SLC34A1: variants seen among roughly 807,000 people sequenced by gnomAD.
The protein encoded by SLC34A1 is sodium-dependent phosphate transport protein 2A.
A neutral mutation model predicts 51.4 loss-of-function variants in SLC34A1; 57 were observed. The observed-to-expected ratio is 1.11, with a 90% CI of 0.90 to 1.38. The LOEUF (loss-of-function observed/expected upper bound fraction) is 1.38. Among genes scored for constraint, SLC34A1 ranks in the 40% most tolerant of loss-of-function variants. The pLI is 0.00. For missense variants in SLC34A1, 796 were observed against 835.6 expected, an observed-to-expected ratio of 0.95 and a Z score of 0.58; for synonymous variants, 368 against 358.0, an observed-to-expected ratio of 1.03 and a Z score of -0.32.
rs372692362 is a variant in SLC34A1 at position 177,386,821 on chromosome 5, G to T, written c.532+255G>T. Among the ~76,000 whole-genome samples the T allele has an allele frequency of 6.6e-6, 1 of 152,114 alleles. No homozygotes were observed. Among genetic ancestry groups the T allele is most frequent in the East Asian group, 1.9e-4 (1 of 5,196 alleles). On this transcript the variant is annotated intron_variant, in intron 5 of 12. Coordinates refer to ENST00000324417, the MANE Select transcript of SLC34A1 (RefSeq NM_003052.5). This position sits in a 1 kb window ranked among gnomAD's most constrained non-coding sequence, Gnocchi z 4.8. ...AGGCCAGGGCATTGGAAGGGCAGGC[G>T]GGAACTCTCAGGTGGGCGCCGACAC...
chr5:177,388,176 A>G lies in SLC34A1; in HGVS notation c.827A>G (p.Lys276Arg), dbSNP rs759333369. The G allele has an allele frequency of 6.2e-7, 1 of 1,614,100 alleles. No homozygotes were observed. Among genetic ancestry groups the G allele is most frequent in the Non-Finnish European group, 8.5e-7 (1 of 1,180,014 alleles). The change falls in exon 7 of 13, where the codon AAG becomes AGG. Residue 276 changes from lysine to arginine, a missense_variant. By Grantham distance (26) the Lys-to-Arg change is conservative. Transcript: ENST00000324417. This position sits in a 1 kb window ranked among gnomAD's most constrained non-coding sequence, Gnocchi z 4.3. ...LLKIITEPFT[K>R]LIIQLDESVI... is the part of the protein sequence containing the mutation. ...AAGATCATCACAGAGCCCTTCACGA[A>G]GCTCATCATCCAGGTGACAGCAGGG...
At chr5:177,387,683 T>TG (rs1175050339) in intron 5 of SLC34A1, 79 bp from the exon 6 acceptor site, 2 of 1,194,056 alleles carry the variant, frequency 1.7e-6, no homozygotes, top group African/African-American at 3.0e-5. Context: ...GGGACGTGGG[T>TG]GGGGGGCCTG....
chr5:177,389,272 G>T (rs1762712525), intron 8 of SLC34A1, among the ~76,000 whole-genome samples: 1 of 152,158 alleles, frequency 6.6e-6, no homozygotes, highest in African/African-American at 2.4e-5. Flanking sequence ...CCTGATGCTT[G>T]CATGTGAGAC....
Position 177,398,005 on chromosome 5 carries a change from C to T in SLC34A1, c.1639C>T (p.Pro547Ser). Residue 547 changes from proline (P) to serine (S), a missense_variant, in exon 13 of 13, where the codon CCC becomes TCC. Physicochemically the swap from Pro to Ser is moderately conservative, Grantham distance 74. Transcript: ENST00000324417. The surrounding 1 kb of genome is among the most constrained non-coding windows in gnomAD (Gnocchi z 4.7). Reference sequence around the variant, plus strand: ...GCAGGTCATGGTAGGTGTGGGCACGCCCTTCGGGGCCCTGCTGGCCTTCGT... The same window carrying T: ...GCAGGTCATGGTAGGTGTGGGCACGTCCTTCGGGGCCCTGCTGGCCTTCGT... ...GWQVMVGVGT[P>S]FGALLAFVVL... 6.2e-7 allele frequency: 1 copy of T among 1,613,984 alleles called. No individual in the cohort carries two copies.
At position 177,388,783 on chromosome 5, in the gene SLC34A1, C is replaced by T. The variant is rs1762693665; in HGVS notation, c.936+411C>T. Among the ~76,000 whole-genome samples the T allele has an allele frequency of 6.6e-6, 1 of 152,104 alleles. No individual in the cohort carries two copies. The highest frequency in any genetic ancestry group is 2.1e-4 in the South Asian group (1 of 4,830). Reference sequence around the variant, plus strand: ...GTGCTCAGTGCTCAAGTTTGAGAACCGCTGATCCAGCGCAACCCTTGGGTT... The same window carrying T: ...GTGCTCAGTGCTCAAGTTTGAGAACTGCTGATCCAGCGCAACCCTTGGGTT... On this transcript the variant is annotated intron_variant, in intron 8 of 12. Coordinates refer to ENST00000324417, the MANE Select transcript of SLC34A1 (RefSeq NM_003052.5). This position sits in a 1 kb window ranked among gnomAD's most constrained non-coding sequence, Gnocchi z 4.3.
chr5:177,390,168 A>G lies in SLC34A1; in HGVS notation c.936+1796A>G, dbSNP rs546355604. ...CCAACTTTCACCATGCTGGACCTGA[A>G]CCAGCCCGAAACAGTCTCCAGGGAA... On this transcript the variant is annotated intron_variant, in intron 8 of 12. Transcript: ENST00000324417. The G allele has an allele frequency of 5.9e-6, 6 of 1,009,142 alleles. No homozygotes were observed. The African/African-American group carries it at 8.6e-5, about 14-fold the overall frequency. The allele number at this position is 1,009,142 out of a possible 1,614,324, so 62.5% of individuals were successfully genotyped here. A position where few individuals can be genotyped will look rare whatever the true frequency, so the allele number is the denominator to read the frequency against.
At chr5:177,397,720 C>T in intron 12 of SLC34A1, 63 bp from the exon 13 acceptor site, 1 of 1,596,610 alleles carries the variant, frequency 6.3e-7, no homozygotes, top group Non-Finnish European at 8.5e-7. Context: ...TCTACCCCTG[C>T]TGGCCTGACA....
At position 177,386,624 on chromosome 5, in the gene SLC34A1, G is replaced by A; in HGVS notation, c.532+58G>A. On this transcript the variant is annotated intron_variant, in intron 5 of 12. Coordinates refer to ENST00000324417, the MANE Select transcript of SLC34A1 (RefSeq NM_003052.5). This position sits in a 1 kb window ranked among gnomAD's most constrained non-coding sequence, Gnocchi z 4.8. ...GGAGGGGCACCCCAGGAGCTGGGAA[G>A]GGTGGCAAATGGGGAGCGTGACCCC... The A allele has an allele frequency of 6.2e-7, 1 of 1,606,068 alleles. No homozygotes were observed. The highest frequency in any genetic ancestry group is 1.1e-5 in the South Asian group (1 of 90,970).
At chr5:177,389,983 A>C in intron 8 of SLC34A1, 2 of 1,377,066 alleles carry the variant, frequency 1.5e-6, no homozygotes, top group Non-Finnish European at 1.9e-6. Flanking sequence ...CCAAGCTCTC[A>C]CTTTCATCCC....
chr5:177,386,741 T>G lies in SLC34A1; in HGVS notation c.532+175T>G, dbSNP rs914134984. On this transcript the variant is annotated intron_variant, in intron 5 of 12. Transcript: ENST00000324417. This position sits in a 1 kb window ranked among gnomAD's most constrained non-coding sequence, Gnocchi z 4.8. Reference sequence around the variant, plus strand: ...AGCTGTATGTGACCCAGATGATTTATGGCAAGGAACTGGCTTCCCCGATGG... The same window carrying G: ...AGCTGTATGTGACCCAGATGATTTAGGGCAAGGAACTGGCTTCCCCGATGG... Among the ~76,000 whole-genome samples the G allele has an allele frequency of 2.6e-4, 40 of 152,072 alleles. No homozygotes were observed. The highest frequency in any genetic ancestry group is 8.5e-4 in the African/African-American group (35 of 41,398).
chr5:177,386,391 G>T lies in SLC34A1; in HGVS notation c.389-32G>T. The T allele has an allele frequency of 6.2e-7, 1 of 1,614,204 alleles. No individual in the cohort carries two copies. ...GGAGACCTGGGAGGGGTTCCTGAAG[G>T]GCCTTGGACAACGCTGGCTCATGCT... On this transcript the variant is annotated intron_variant, in intron 4 of 12. Coordinates refer to ENST00000324417, the MANE Select transcript of SLC34A1 (RefSeq NM_003052.5). The surrounding 1 kb of genome is among the most constrained non-coding windows in gnomAD (Gnocchi z 4.8).
chr5:177,398,634 G>C lies in SLC34A1; in HGVS notation c.*348G>C, dbSNP rs554430310. ...GTGTACACATGACTAGGATAGGCAG[G>C]AGTAAGGGTGGGTCTGGGTATATGA... On this transcript the variant is annotated 3_prime_UTR_variant, in exon 13 of 13. Transcript: ENST00000324417. This position sits in a 1 kb window ranked among gnomAD's most constrained non-coding sequence, Gnocchi z 4.7. 6.5e-5 allele frequency: 28 copies of C among 429,516 alleles called. No individual in the cohort carries two copies. The highest frequency in any genetic ancestry group is 4.6e-4 in the African/African-American group (23 of 49,828). The allele number at this position is 429,516 out of a possible 1,614,324, so 26.6% of individuals were successfully genotyped here.
Position 177,397,844 on chromosome 5 carries a change from G to C in SLC34A1, c.1478G>C (p.Cys493Ser). Residue 493 changes from cysteine to serine, a missense_variant, in exon 13 of 13, where the codon TGC (cysteine) becomes TCC (serine). Physicochemically the swap from Cys to Ser is moderately radical, Grantham distance 112. Coordinates refer to ENST00000324417, the MANE Select transcript of SLC34A1 (RefSeq NM_003052.5). ...ATCCTTCTGTGGTACCCGGTGCCCT[G>C]CACACGCCTGCCCATCCGCATGGCC... ...SGILLWYPVP[C>S]TRLPIRMAKA... 6.2e-7 allele frequency: 1 copy of C among 1,613,492 alleles called. No individual in the cohort carries two copies. Among genetic ancestry groups the C allele is most frequent in the Non-Finnish European group, 8.5e-7 (1 of 1,179,970 alleles).
At position 177,396,751 on chromosome 5, in the gene SLC34A1, C is replaced by T. The variant is rs757775673; in HGVS notation, c.1193C>T (p.Thr398Ile). The stretch of plus-strand genomic sequence containing the variant: ...CTTGCAGACTTCCCTGCCCCCTTCA[C>T]CTGGGTCACAGGCTACTTTGCCATG... ...VINTDFPAPF[T>I]WVTGYFAMVV... Residue 398 changes from threonine to isoleucine, a missense_variant, in exon 11 of 13, where the codon ACC becomes ATC. By Grantham distance (89) the Thr-to-Ile change is moderately conservative. Coordinates refer to ENST00000324417, the MANE Select transcript of SLC34A1 (RefSeq NM_003052.5). The surrounding 1 kb of genome is among the most constrained non-coding windows in gnomAD (Gnocchi z 4.0). 4.3e-6 allele frequency: 7 copies of T among 1,614,260 alleles called. No homozygotes were observed. The South Asian group carries it at 6.6e-5, about 15-fold the overall frequency.
Position 177,389,715 on chromosome 5 carries a change from A to G in SLC34A1, c.936+1343A>G, listed in dbSNP as rs577163868. ...GCCATGGAAGACAGCTCTGTTCCTCACTGCCCCTGAGCTCCCTGCCGGCCA... is the reference window on the plus strand; with the variant it reads ...GCCATGGAAGACAGCTCTGTTCCTCGCTGCCCCTGAGCTCCCTGCCGGCCA... On this transcript the variant is annotated intron_variant, in intron 8 of 12. Coordinates refer to ENST00000324417, the MANE Select transcript of SLC34A1 (RefSeq NM_003052.5). 2.2e-5 allele frequency: 34 copies of G among 1,537,200 alleles called. 1 individual carries two copies. In the South Asian group the frequency reaches 3.9e-4, roughly 18 times the overall value.
chr5:177,389,526 G>T, intron 8 of SLC34A1: 1 of 1,371,650 alleles, frequency 7.3e-7, no homozygotes, highest in South Asian at 1.3e-5. Flanking sequence ...AAACCCCTGC[G>T]GGCAGCTTTT....
rs577153397 is a variant in SLC34A1 at position 177,385,217 on chromosome 5, C to T, written c.-47-478C>T. ...TCTCCAGGTGGGCAAAACTGAAGCC[C>T]GGCCCAGCCCCAGCCCACACCTGCA... is the stretch of plus-strand genomic sequence containing the variant. On this transcript the variant is annotated intron_variant, in intron 1 of 12. Transcript: ENST00000324417. Among the ~76,000 whole-genome samples, 11 of 152,304 alleles carry T rather than the reference C, an allele frequency of 7.2e-5. No individual in the cohort carries two copies. The South Asian group carries it at 1.9e-3, about 26-fold the overall frequency.
chr5:177,393,963 G>T, intron 9 of SLC34A1, 65 bp from the exon 10 acceptor site: 2 of 1,604,874 alleles, frequency 1.2e-6, no homozygotes, highest in Non-Finnish European at 1.7e-6. Flanking sequence ...GCCCAACTGG[G>T]TGGCAAAGGT....
rs189267221 is a variant in SLC34A1 at position 177,393,046 on chromosome 5, T to C, written c.937-648T>C. ...GGAGCTGAGTAGCTACTGCTGACTC[T>C]ACAGGCCCAGCAGAAACTCTCCCCA... On this transcript the variant is annotated intron_variant, in intron 8 of 12. Coordinates refer to ENST00000324417, the MANE Select transcript of SLC34A1 (RefSeq NM_003052.5). Among the ~76,000 whole-genome samples, 12 of 152,294 alleles carry C rather than the reference T, an allele frequency of 7.9e-5. No individual in the cohort carries two copies. The East Asian group carries it at 1.2e-3, about 15-fold the overall frequency.
Sources: allele counts gnomAD v4.1 joint callset (sites outside exome capture counted in the v4.1 genomes callset), GRCh38; gene constraint gnomAD v4.1.1; non-coding constraint Gnocchi (gnomAD v3.1); transcripts MANE v1.5; gene names NCBI Gene and HGNC (gene_info 2026-07-23, HGNC 2026-07-21).